ARHGAP15: variants seen among roughly 807,000 people sequenced by gnomAD.
ARHGAP15 encodes Rho GTPase activating protein 15.
Under a neutral mutation model 63.7 loss-of-function variants are expected in ARHGAP15, and 51 were observed. The observed-to-expected ratio is 0.80, with a 90% CI of 0.64 to 1.01. ARHGAP15 has a LOEUF of 1.01. ARHGAP15 is among the 50% of genes least tolerant of loss of function. The probability of loss-of-function intolerance (pLI) is 0.00; values close to 1 mark genes in which losing one functional copy is unlikely to be tolerated. For missense variants in ARHGAP15, 560 were observed against 564.6 expected, an observed-to-expected ratio of 0.99 and a Z score of 0.08; for synonymous variants, 191 against 193.8, an observed-to-expected ratio of 0.99 and a Z score of 0.12.
chr2:143,177,331 AG>A (rs1479337423), intron 2 of ARHGAP15, among the ~76,000 whole-genome samples: 1 of 152,080 alleles, frequency 6.6e-6, no homozygotes, highest in Non-Finnish European at 1.5e-5. Flanking sequence ...CATCAGCTTG[AG>A]GGGGAATAAG....
intron 12 of ARHGAP15, among the ~76,000 whole-genome samples, chr2:143,661,850 C>T (rs922240078): frequency 1.3e-5 from 2 of 152,208 alleles, no homozygotes; most frequent in South Asian, 2.1e-4. Flanking sequence ...CCGAATATTA[C>T]GCTTTTCGGA....
chr2:143,162,692 C>T (rs1464002033), intron 2 of ARHGAP15, among the ~76,000 whole-genome samples: 1 of 152,020 alleles, frequency 6.6e-6, no homozygotes, highest in Non-Finnish European at 1.5e-5. Context: ...ATTTTTGCAG[C>T]ATCTCTTATT....
At chr2:143,370,360 A>AG (rs1319942774) in intron 6 of ARHGAP15, among the ~76,000 whole-genome samples, 1 of 146,148 alleles carries the variant, frequency 6.8e-6, no homozygotes, top group Non-Finnish European at 1.5e-5. Flanking sequence ...GGGTGGGGGA[A>AG]GGGGGGAGGG....
intron 9 of ARHGAP15, among the ~76,000 whole-genome samples, chr2:143,510,845 A>G (rs1693552860): frequency 1.3e-5 from 2 of 152,184 alleles, no homozygotes; most frequent in South Asian, 4.1e-4. Context: ...TTTGAAGTTT[A>G]CTAGAATCGC....
At position 143,755,281 on chromosome 2, in the gene ARHGAP15, G is replaced by C. The variant is rs190876731; in HGVS notation, c.1245-12708G>C. On this transcript the variant is annotated intron_variant, in intron 13 of 13. Transcript: ENST00000295095. ...ATGCTTTGCCAGCATATATGGGGGG[G>C]GGGGATCTATACCAAATATCAATAG... 2.7e-5 allele frequency among the ~76,000 whole-genome samples: 4 copies of C among 150,418 alleles called. No individual in the cohort carries two copies. The East Asian group carries it at 7.9e-4, about 30-fold the overall frequency.
chr2:143,564,365 G>A (rs1476121497), intron 11 of ARHGAP15, among the ~76,000 whole-genome samples: 1 of 152,120 alleles, frequency 6.6e-6, no homozygotes, highest in East Asian at 1.9e-4. Flanking sequence ...GGGATAATTA[G>A]GGGTCATCTT....
chr2:143,248,580 G>A (rs1694143331), intron 5 of ARHGAP15, among the ~76,000 whole-genome samples: 1 of 152,050 alleles, frequency 6.6e-6, no homozygotes, highest in South Asian at 2.1e-4. Flanking sequence ...ATTCTGGCAG[G>A]TTTTCTTACC....
At chr2:143,646,660 A>G (rs1680894998) in intron 12 of ARHGAP15, among the ~76,000 whole-genome samples, 1 of 151,918 alleles carries the variant, frequency 6.6e-6, no homozygotes, top group African/African-American at 2.4e-5. Context: ...TATGCTGAAA[A>G]CAGTTTTTCA....
At chr2:143,171,403 GAAAC>G (rs1252534312) in intron 2 of ARHGAP15, among the ~76,000 whole-genome samples, 1 of 152,082 alleles carries the variant, frequency 6.6e-6, no homozygotes, top group Non-Finnish European at 1.5e-5. Flanking sequence ...GAAGTCACAG[GAAAC>G]AACACGGCAG....
Position 143,697,146 on chromosome 2 carries a change from A to G in ARHGAP15, c.1139-6273A>G, listed in dbSNP as rs548257020. Reference sequence around the variant, plus strand: ...ATACTGTAACTACTTAGGAATTTTAACCAAATTCTCTGATAATTGACAGCA... The same window carrying G: ...ATACTGTAACTACTTAGGAATTTTAGCCAAATTCTCTGATAATTGACAGCA... On this transcript the variant is annotated intron_variant, in intron 12 of 13. Coordinates refer to ENST00000295095, the MANE Select transcript of ARHGAP15 (RefSeq NM_018460.4). Among the ~76,000 whole-genome samples, 5 of 152,158 alleles carry G rather than the reference A, an allele frequency of 3.3e-5. No individual in the cohort carries two copies. The East Asian group carries it at 9.6e-4, about 29-fold the overall frequency.
chr2:143,403,923 T>A (rs911521739), intron 6 of ARHGAP15, among the ~76,000 whole-genome samples: 10 of 95,758 alleles, frequency 1.0e-4, no homozygotes, highest in African/African-American at 1.6e-4. Context: ...TACCAGGATG[T>A]AATTTTTTTT....
intron 6 of ARHGAP15, among the ~76,000 whole-genome samples, chr2:143,255,252 G>T (rs1328477500): frequency 1.3e-5 from 2 of 151,946 alleles, no homozygotes; most frequent in African/African-American, 4.8e-5. Flanking sequence ...CTAAAGAAGA[G>T]GAAAGTCTGT....
intron 6 of ARHGAP15, among the ~76,000 whole-genome samples, chr2:143,347,365 A>G (rs1685344746): frequency 6.6e-6 from 1 of 152,158 alleles, no homozygotes; most frequent in Non-Finnish European, 1.5e-5. Flanking sequence ...GCTAAAAACT[A>G]CAATTACAGG....
intron 10 of ARHGAP15, among the ~76,000 whole-genome samples, chr2:143,553,522 A>C (rs1695661614): frequency 2.0e-5 from 3 of 152,228 alleles, no homozygotes; most frequent in Admixed American, 6.5e-5. Context: ...TCAGGTCTAC[A>C]ACCACAGCGG....
At chr2:143,339,965 C>A (rs1378131718) in intron 6 of ARHGAP15, among the ~76,000 whole-genome samples, 1 of 152,114 alleles carries the variant, frequency 6.6e-6, no homozygotes, top group Non-Finnish European at 1.5e-5. Flanking sequence ...ACAAACCAGT[C>A]ATTTTATTCC....
chr2:143,353,883 AC>A (rs1460329695), intron 6 of ARHGAP15, among the ~76,000 whole-genome samples: 3 of 152,206 alleles, frequency 2.0e-5, no homozygotes, highest in Admixed American at 6.5e-5. Context: ...TAAAAATGCT[AC>A]GGTAACAAAT....
intron 2 of ARHGAP15, among the ~76,000 whole-genome samples, chr2:143,170,766 T>C (rs1690742649): frequency 6.6e-6 from 1 of 152,142 alleles, no homozygotes; most frequent in Non-Finnish European, 1.5e-5. Context: ...GATTCTGTAA[T>C]TGTTCACCTT....
At chr2:143,444,959 C>T (rs1025673157) in intron 8 of ARHGAP15, among the ~76,000 whole-genome samples, 2 of 151,832 alleles carry the variant, frequency 1.3e-5, no homozygotes, top group African/African-American at 4.8e-5. Context: ...TTAAGTAGTA[C>T]CTGAAATCAG....
chr2:143,446,468 T>C (rs1393855629), intron 8 of ARHGAP15, among the ~76,000 whole-genome samples: 1 of 152,124 alleles, frequency 6.6e-6, no homozygotes, highest in African/African-American at 2.4e-5. Flanking sequence ...ATCTTCATTA[T>C]TTTATTGACT....
Sources: gnomAD v4.1 joint callset for allele counts (sites outside exome capture counted in the v4.1 genomes callset) on GRCh38, gnomAD v4.1.1 for gene constraint, MANE v1.5 for transcripts, NCBI Gene and HGNC (gene_info 2026-07-23, HGNC 2026-07-21) for gene names.